The following WDFY3 variants were observed in gnomAD, a reference collection of about 807,000 sequenced individuals.
WDFY3 encodes the protein WD repeat and FYVE domain-containing protein 3.
In WDFY3, 66 loss-of-function variants were observed where a neutral mutation model predicts 409.6. The observed-to-expected ratio is 0.16, with a 90% CI of 0.13 to 0.20. The LOEUF is 0.20. WDFY3 is among the 10% of genes least tolerant of loss of function. The pLI, the probability that WDFY3 is intolerant of heterozygous loss-of-function variation, is 1.00. For missense variants in WDFY3, 3,031 were observed against 4,298.1 expected (o/e 0.71, Z 8.24); for synonymous variants, 1,521 against 1,537.1 (o/e 0.99, Z 0.25).
chr4:84,897,036 G>A (rs1765730182), intron 2 of WDFY3, 26 bp from the exon 3 acceptor site: 1 of 152,232 alleles, frequency 6.6e-6, no homozygotes, highest in Non-Finnish European at 1.5e-5. Context: ...AAAAGGTTAT[G>A]AATTAATCTC....
intron 1 of WDFY3, among the ~76,000 whole-genome samples, chr4:84,961,311 G>T (rs1774884395): frequency 6.6e-6 from 1 of 151,500 alleles, no homozygotes; most frequent in South Asian, 2.1e-4. Context: ...ACAATTCAAT[G>T]AGTTTACAGA....
chr4:84,718,688 G>C (rs1412401067), intron 47 of WDFY3, 118 bp from the exon 48 acceptor site: 1 of 1,235,382 alleles, frequency 8.1e-7, no homozygotes, highest in Non-Finnish European at 1.1e-6. Context: ...AGCATATTGA[G>C]AAGATTAAGC....
At chr4:84,856,373 G>A (rs1422217503) in intron 4 of WDFY3, among the ~76,000 whole-genome samples, 1 of 152,152 alleles carries the variant, frequency 6.6e-6, no homozygotes, top group Non-Finnish European at 1.5e-5. Flanking sequence ...AACAGTGGCA[G>A]TTATGAATTT....
intron 2 of WDFY3, among the ~76,000 whole-genome samples, chr4:84,930,554 A>G (rs1362408451): frequency 6.6e-6 from 1 of 152,234 alleles, no homozygotes; most frequent in Non-Finnish European, 1.5e-5. Context: ...GCACAGAGAA[A>G]AAGTAATTTA....
intron 2 of WDFY3, among the ~76,000 whole-genome samples, chr4:84,918,817 A>G (rs191326720): frequency 3.8e-4 from 45 of 117,192 alleles, no homozygotes; most frequent in Admixed American, 1.7e-3. Context: ...GTGTGTGTGT[A>G]TATATATATA....
At position 84,794,625 on chromosome 4, in the gene WDFY3, G is replaced by A; in HGVS notation, c.3381C>T (p.Arg1127=). The stretch of plus-strand genomic sequence containing the variant: ...AATGTTGCTCAGAAGAATTTGCTCG[G>A]CGCACAACAGTAAGAAGTCTGACAG... ...NHPVRLLTVV[R]RANSSEQHYV... The change falls in exon 21 of 68, where the codon CGC becomes CGT. Residue 1127 remains arginine, a synonymous_variant. Transcript: ENST00000295888. 3 of 1,613,976 alleles carry A rather than the reference G, an allele frequency of 1.9e-6. No individual in the cohort carries two copies. The highest frequency in any genetic ancestry group is 2.5e-6 in the Non-Finnish European group (3 of 1,180,004).
intron 53 of WDFY3, among the ~76,000 whole-genome samples, chr4:84,708,691 G>A (rs144993565): frequency 2.7e-4 from 41 of 151,926 alleles, no homozygotes; most frequent in African/African-American, 9.7e-4. Flanking sequence ...CTGGGGTCTG[G>A]CACCACACCT....
intron 3 of WDFY3, among the ~76,000 whole-genome samples, chr4:84,884,358 G>A (rs1450712467): frequency 1.3e-5 from 2 of 151,596 alleles, no homozygotes; most frequent in Non-Finnish European, 1.5e-5. Flanking sequence ...ATTTAAAAAT[G>A]TTCATACCAT....
At chr4:84,779,962 A>C in intron 26 of WDFY3, 146 bp downstream of exon 26, 1 of 835,290 alleles carries the variant, frequency 1.2e-6, no homozygotes, top group Non-Finnish European at 1.8e-6. Context: ...CATTTGACAT[A>C]TATTAGTTTT....
At chr4:84,718,756 C>T (rs566851183) in intron 47 of WDFY3, among the ~76,000 whole-genome samples, 186 bp from the exon 48 acceptor site, 1 of 152,090 alleles carries the variant, frequency 6.6e-6, no homozygotes, top group Non-Finnish European at 1.5e-5. Flanking sequence ...TCACTCATAC[C>T]CATCCACTCA....
chr4:84,817,426 G>T lies in WDFY3; in HGVS notation c.1853C>A (p.Pro618Gln). 6.2e-7 allele frequency: 1 copy of T among 1,613,540 alleles called. No homozygotes were observed. The highest frequency in any genetic ancestry group is 1.7e-5 in the Admixed American group (1 of 59,948). ...ATCAGTCTTCAACTGCAATTCCGTCGGTGGGGCTGAATGCATTAGCCCCAG... is the reference window on the plus strand; with the variant it reads ...ATCAGTCTTCAACTGCAATTCCGTCTGTGGGGCTGAATGCATTAGCCCCAG... ...TLLGLMHSAP[P>Q]TELQLKTDIL... is the part of the protein sequence containing the mutation. The change falls in exon 13 of 68, where the codon CCG (proline) becomes CAG (glutamine). Residue 618 changes from proline (P) to glutamine (Q), a missense_variant. Transcript: ENST00000295888.
intron 65 of WDFY3, among the ~76,000 whole-genome samples, chr4:84,678,657 T>C (rs536838668): frequency 3.3e-5 from 5 of 152,350 alleles, no homozygotes; most frequent in Admixed American, 3.3e-4. Context: ...TGTGAATAAA[T>C]ACAGTTTCTA....
chr4:84,843,293 T>A (rs1757634727), intron 5 of WDFY3, among the ~76,000 whole-genome samples: 1 of 152,256 alleles, frequency 6.6e-6, no homozygotes, highest in African/African-American at 2.4e-5. Flanking sequence ...TATATTTTAC[T>A]ATTTTGTAAA....
intron 32 of WDFY3, among the ~76,000 whole-genome samples, chr4:84,760,016 G>A (rs1466407260): frequency 6.6e-6 from 1 of 151,886 alleles, no homozygotes; most frequent in Non-Finnish European, 1.5e-5. Flanking sequence ...AGCCTGAAGG[G>A]TTGTTGAATT....
chr4:84,706,805 T>C (rs990206329), intron 53 of WDFY3, among the ~76,000 whole-genome samples: 1 of 152,106 alleles, frequency 6.6e-6, no homozygotes, highest in African/African-American at 2.4e-5. Flanking sequence ...TGCCCCACGA[T>C]AGCAGTTCTG....
intron 25 of WDFY3, among the ~76,000 whole-genome samples, chr4:84,781,464 C>G (rs563099771): frequency 6.8e-6 from 1 of 146,666 alleles, no homozygotes; most frequent in East Asian, 2.0e-4. Context: ...AATCACAGCT[C>G]ATTGCAGTCT....
At chr4:84,700,397 T>C (rs1310256718) in intron 56 of WDFY3, among the ~76,000 whole-genome samples, 10 of 152,082 alleles carry the variant, frequency 6.6e-5, no homozygotes, top group African/African-American at 2.2e-4. Context: ...AGAGATGAGG[T>C]TTTGCCATGT....
At chr4:84,946,245 T>C (rs1772813365) in intron 1 of WDFY3, among the ~76,000 whole-genome samples, 1 of 152,232 alleles carries the variant, frequency 6.6e-6, no homozygotes, top group Admixed American at 6.5e-5. Context: ...TAGGGCTTTG[T>C]GCTCAGATGT....
chr4:84,914,707 T>C (rs1768245935), intron 2 of WDFY3, among the ~76,000 whole-genome samples: 1 of 152,132 alleles, frequency 6.6e-6, no homozygotes, highest in South Asian at 2.1e-4. Flanking sequence ...AGTAAGTATG[T>C]AGAGAAATTG....
Sources: allele counts gnomAD v4.1 joint callset (sites outside exome capture counted in the v4.1 genomes callset), GRCh38; gene constraint gnomAD v4.1.1; transcripts MANE v1.5; gene names NCBI Gene and HGNC (gene_info 2026-07-23, HGNC 2026-07-21).